Variants in DIS3 observed in about 807,000 individuals in gnomAD.
DIS3 encodes the protein DIS3 exosome endoribonuclease and 3'-5' exoribonuclease.
DIS3 carries 103 observed loss-of-function variants against 113.0 expected under a neutral mutation model. The observed-to-expected ratio is 0.91, with a 90% CI of 0.78 to 1.07. The LOEUF is 1.07. DIS3 is among the 50% of genes least tolerant of loss of function. The pLI, the probability that DIS3 is intolerant of heterozygous loss-of-function variation, is 0.00. For synonymous variants in DIS3, 402 were observed against 394.3 expected, an observed-to-expected ratio of 1.02 and a Z score of -0.23; for missense variants, 1,121 against 1,167.1, an observed-to-expected ratio of 0.96 and a Z score of 0.58.
At chr13:72,778,065 C>A in intron 3 of DIS3, 122 bp downstream of exon 3, 2 of 873,970 alleles carry the variant, frequency 2.3e-6, no homozygotes, top group African/African-American at 1.7e-5. Flanking sequence ...AAAAATATCA[C>A]ATGAAGTTAT....
Position 72,756,029 on chromosome 13 carries a change from T to TAA in DIS3, c.*3765_*3766insTT, listed in dbSNP as rs2033457568. On this transcript the variant is annotated 3_prime_UTR_variant, in exon 21 of 21. Transcript: ENST00000377767. ...GCCTGTGAAGTAACACTGGGGCAGATATGTATGTTATATACAACTATTTTT... is the reference window on the plus strand; with the variant it reads ...GCCTGTGAAGTAACACTGGGGCAGATAAATGTATGTTATATACAACTATTTTT... 3 of 398,468 alleles carry TAA rather than the reference T, an allele frequency of 7.5e-6. No individual in the cohort carries two copies. Among genetic ancestry groups the TAA allele is most frequent in the Non-Finnish European group, 1.3e-5 (3 of 225,958 alleles). 24.7% of individuals were successfully genotyped at this position (398,468 alleles called of 1,614,324 possible). A position where few individuals can be genotyped will look rare whatever the true frequency, so the allele number is the denominator to read the frequency against.
rs116114419 is a variant in DIS3 at position 72,777,058 on chromosome 13, T to C, written c.654+362A>G. Among the ~76,000 whole-genome samples the C allele has an allele frequency of 7.0e-3, 1,060 of 152,306 alleles. 12 individuals are homozygous for C. Among genetic ancestry groups the C allele is most frequent in the African/African-American group, 0.025 (1,027 of 41,554 alleles). ...TACAGAATAAGTTCTAGGTCTTTACTATCTGGACACTCCCCTCCCTCTTCT... is the reference window on the plus strand; with the variant it reads ...TACAGAATAAGTTCTAGGTCTTTACCATCTGGACACTCCCCTCCCTCTTCT... On this transcript the variant is annotated intron_variant, in intron 4 of 20. Transcript: ENST00000377767.
At chr13:72,771,734 T>C in intron 11 of DIS3, 61 bp downstream of exon 11, 3 of 1,505,076 alleles carry the variant, frequency 2.0e-6, no homozygotes, top group African/African-American at 1.4e-5. Context: ...AGCTAATTCA[T>C]GGCCGTTTAA....
chr13:72,760,579 A>T lies in DIS3; in HGVS notation c.2743T>A (p.Ser915Thr), dbSNP rs1160071805. The change falls in exon 20 of 21, where the codon TCA becomes ACA. Residue 915 changes from serine (S) to threonine (T), a missense_variant. Ser to Thr is a moderately conservative substitution (Grantham distance 58). Around this residue, in one of 3 missense-constraint regions of DIS3, gnomAD observed 861 missense variants for 915.5 expected, o/e 0.94. Coordinates refer to ENST00000377767, the MANE Select transcript of DIS3 (RefSeq NM_014953.5). ...DKVKVKIMLD[S>T]SNLQHQKIRM... ...ATCTTCTGATGTTGAAGATTAGATG[A>T]GTCTAACATGATTTTCACTTTAACT... 4 of 1,613,580 alleles carry T rather than the reference A, an allele frequency of 2.5e-6. No individual in the cohort carries two copies. The highest frequency in any genetic ancestry group is 1.7e-5 in the Admixed American group (1 of 60,006).
rs1342609357 is a variant in DIS3, at chr13:72,755,039, TCA to T, written c.*4754_*4755del. On this transcript the variant is annotated 3_prime_UTR_variant, in exon 21 of 21. Transcript: ENST00000377767. ...AAAATACTGTATCTTTACTGTCCCTTCAGAGTTCAGCTAAAGAAACGTGCTTT... is the reference window on the plus strand; with the variant it reads ...AAAATACTGTATCTTTACTGTCCCTTGAGTTCAGCTAAAGAAACGTGCTTT... The T allele has an allele frequency of 8.7e-6, 7 of 803,004 alleles. No individual in the cohort carries two copies. The highest frequency in any genetic ancestry group is 8.6e-5 in the African/African-American group (5 of 58,032). 49.7% of individuals were successfully genotyped at this position (803,004 alleles called of 1,614,324 possible). A position where few individuals can be genotyped will look rare whatever the true frequency, so the allele number is the denominator to read the frequency against.
chr13:72,773,233 G>C (rs753560552), intron 8 of DIS3, among the ~76,000 whole-genome samples: 11 of 152,192 alleles, frequency 7.2e-5, no homozygotes, highest in Non-Finnish European at 1.3e-4. Flanking sequence ...AGCATTTTGG[G>C]AGGCTGAGGT....
chr13:72,772,582 A>C, intron 9 of DIS3, 111 bp downstream of exon 9: 1 of 1,166,164 alleles, frequency 8.6e-7, no homozygotes, highest in Non-Finnish European at 1.2e-6. Flanking sequence ...AACAAAATGC[A>C]GGAAAAGAGG....
chr13:72,753,451 C>A lies in DIS3; in HGVS notation c.*6344G>T. On this transcript the variant is annotated 3_prime_UTR_variant, in exon 21 of 21. Transcript: ENST00000377767. The stretch of plus-strand genomic sequence containing the variant: ...TGTGTCAGTAGGCTGTTCACTGATT[C>A]TTAAGGAAGTTACAAGATATATTTC... 2.9e-6 allele frequency: 1 copy of A among 341,282 alleles called. No homozygotes were observed. Among genetic ancestry groups the A allele is most frequent in the Non-Finnish European group, 5.3e-6 (1 of 189,928 alleles). The allele number at this position is 341,282 out of a possible 1,614,324, so 21.1% of individuals were successfully genotyped here.
At chr13:72,768,981 T>G in intron 13 of DIS3, 69 bp from the exon 14 acceptor site, 2 of 963,722 alleles carry the variant, frequency 2.1e-6, no homozygotes, top group Non-Finnish European at 3.1e-6. Context: ...TATGTCCTCC[T>G]ACTTTCACTA....
rs183713045 is a variant in DIS3 at position 72,757,668 on chromosome 13, C to A, written c.*2127G>T. On this transcript the variant is annotated 3_prime_UTR_variant, in exon 21 of 21. Transcript: ENST00000377767. The stretch of plus-strand genomic sequence containing the variant: ...TCTCAAACTCCTGACATCGAGTGAT[C>A]CACCCGCCTCGTCCTCCCAAAATGC... 2.8e-5 allele frequency: 5 copies of A among 176,244 alleles called. No homozygotes were observed. The highest frequency in any genetic ancestry group is 2.5e-4 in the Admixed American group (4 of 15,800). The allele number at this position is 176,244 out of a possible 1,614,324, so 10.9% of individuals were successfully genotyped here. A position where few individuals can be genotyped will look rare whatever the true frequency, so the allele number is the denominator to read the frequency against.
chr13:72,778,979 A>G (rs796526687), intron 2 of DIS3, among the ~76,000 whole-genome samples: 4 of 152,240 alleles, frequency 2.6e-5, no homozygotes, highest in African/African-American at 9.6e-5. Flanking sequence ...AAATCTGTTC[A>G]TCAAAGCCAG....
chr13:72,761,853 ACT>A (rs1387719869), intron 17 of DIS3, 39 bp from the exon 18 acceptor site: 1 of 1,611,784 alleles, frequency 6.2e-7, no homozygotes, highest in Non-Finnish European at 8.5e-7. Flanking sequence ...GTATGTCAGT[ACT>A]AATATGTGCT....
chr13:72,780,788 T>C lies in DIS3; in HGVS notation c.386+58A>G, dbSNP rs548596085. 3.6e-5 allele frequency: 54 copies of C among 1,487,790 alleles called. No homozygotes were observed. In the African/African-American group the frequency reaches 7.5e-4, roughly 21 times the overall value. The allele number at this position is 1,487,790 out of a possible 1,614,324, so 92.2% of individuals were successfully genotyped here. On this transcript the variant is annotated intron_variant, in intron 2 of 20. Coordinates refer to ENST00000377767, the MANE Select transcript of DIS3 (RefSeq NM_014953.5). ...TGTCATAAATTACTCACAGGAACCC[T>C]CTCCCGAATTTTGCTAATCCTGTGG...
chr13:72,779,397 C>T (rs1039289652), intron 2 of DIS3, among the ~76,000 whole-genome samples: 1 of 152,122 alleles, frequency 6.6e-6, no homozygotes, highest in African/African-American at 2.4e-5. Flanking sequence ...GGATTACAGA[C>T]ATAAGCCACC....
At chr13:72,781,063 T>A in intron 1 of DIS3, 60 bp from the exon 2 acceptor site, 1 of 1,512,038 alleles carries the variant, frequency 6.6e-7, no homozygotes, top group Non-Finnish European at 9.0e-7. Flanking sequence ...CTGTCAAACA[T>A]AAAATCCTGT....
chr13:72,772,853 G>A lies in DIS3; in HGVS notation c.1240-14C>T. 4.5e-6 allele frequency: 7 copies of A among 1,570,862 alleles called. No individual in the cohort carries two copies. Among genetic ancestry groups the A allele is most frequent in the Non-Finnish European group, 5.2e-6 (6 of 1,163,088 alleles). On this transcript the variant is annotated splice_polypyrimidine_tract_variant and intron_variant, in intron 8 of 20. Transcript: ENST00000377767. ...CACAAAGTGTCCCTGAAACCAAGAG[G>A]CATTATTAGAAACGCCTATTTTATA...
rs1354411771 is a variant in DIS3, at chr13:72,756,109, A to ACTAT, written c.*3682_*3685dup. 3 of 396,182 alleles carry ACTAT rather than the reference A, an allele frequency of 7.6e-6. No homozygotes were observed. The highest frequency in any genetic ancestry group is 7.1e-5 in the East Asian group (2 of 27,978). 24.5% of individuals were successfully genotyped at this position (396,182 alleles called of 1,614,324 possible). A position where few individuals can be genotyped will look rare whatever the true frequency, so the allele number is the denominator to read the frequency against. On this transcript the variant is annotated 3_prime_UTR_variant, in exon 21 of 21. Coordinates refer to ENST00000377767, the MANE Select transcript of DIS3 (RefSeq NM_014953.5). ...GATGGGTATATAACAGTTTGGAAAT[A>ACTAT]CTATCTTTGGAGAATGTATTTTTGT... is the stretch of plus-strand genomic sequence containing the variant.
At chr13:72,772,920 A>G (rs1024451248) in intron 8 of DIS3, 81 bp from the exon 9 acceptor site, 40 of 1,422,388 alleles carry the variant, frequency 2.8e-5, no homozygotes, top group Middle Eastern at 1.9e-4. Context: ...CAGCATTTAC[A>G]TATCTTCTCA....
At chr13:72,777,871 G>A (rs1016483199) in intron 3 of DIS3, among the ~76,000 whole-genome samples, 1 of 151,876 alleles carries the variant, frequency 6.6e-6, no homozygotes, top group African/African-American at 2.4e-5. Flanking sequence ...ACAGCACCTG[G>A]CCTCAATTTA....
Sources: gnomAD v4.1 joint callset for allele counts (sites outside exome capture counted in the v4.1 genomes callset) on GRCh38, gnomAD v4.1.1 for gene constraint, gnomAD v4.1.1 regional missense constraint, MANE v1.5 for transcripts, NCBI Gene and HGNC (gene_info 2026-07-23, HGNC 2026-07-21) for gene names.